The following AFAP1L2 variants were observed in gnomAD, a reference collection of about 807,000 sequenced individuals.
AFAP1L2 encodes the protein actin filament associated protein 1 like 2, also known as actin filament-associated protein 1-like 2.
Under a neutral mutation model 99.3 loss-of-function variants are expected in AFAP1L2, and 46 were observed. The ratio of observed to expected loss-of-function variants is 0.46; its 90% CI spans 0.37 to 0.59. The LOEUF (loss-of-function observed/expected upper bound fraction) is 0.59, where lower values mean the gene tolerates loss of function less well. Ranked by LOEUF, AFAP1L2 falls within the 20% of genes least tolerant of loss-of-function variation. AFAP1L2 has a pLI of 0.00. For missense variants in AFAP1L2, 959 were observed against 1,034.9 expected (o/e 0.93, Z 1.01); for synonymous variants, 397 against 419.1 (o/e 0.95, Z 0.64).
Position 114,327,169 on chromosome 10 carries a change from ATATAT to A in AFAP1L2, c.316-3913_316-3909del, listed in dbSNP as rs1162002542. 2.5e-3 allele frequency among the ~76,000 whole-genome samples: 187 copies of A among 75,546 alleles called. 11 individuals are homozygous for A. The highest frequency in any genetic ancestry group is 6.8e-3 in the African/African-American group (175 of 25,548). 49.6% of individuals were successfully genotyped at this position (75,546 alleles called of 152,430 possible). ...TATTTATATATATATATATATATAT[ATATAT>A]TTTTTTTTTAGGCAGAGTCTCACTG... On this transcript the variant is annotated intron_variant, in intron 4 of 18. Coordinates refer to ENST00000304129, the MANE Select transcript of AFAP1L2 (RefSeq NM_001001936.3).
At chr10:114,315,484 C>G in intron 6 of AFAP1L2, 76 bp downstream of exon 6, 3 of 1,504,736 alleles carry the variant, frequency 2.0e-6, no homozygotes, top group Non-Finnish European at 1.8e-6. Flanking sequence ...AGGGACCATC[C>G]TGTCCCTCCT....
At chr10:114,356,549 A>C (rs1194690122) in intron 1 of AFAP1L2, among the ~76,000 whole-genome samples, 1 of 152,248 alleles carries the variant, frequency 6.6e-6, no homozygotes, top group East Asian at 1.9e-4. Context: ...ATTTAAATTT[A>C]AGTGTCATTA....
At chr10:114,347,800 C>CT (rs1031709522) in intron 1 of AFAP1L2, among the ~76,000 whole-genome samples, 421 of 151,592 alleles carry the variant, frequency 2.8e-3, no homozygotes, top group Middle Eastern at 3.4e-3. Context: ...ACCCAGCCTT[C>CT]TTTTTTTTTG....
Position 114,314,037 on chromosome 10 carries a change from G to C in AFAP1L2, c.626C>G (p.Ser209Cys). ...GTCCAGCTGAGGGCTGTGGTCCTTG[G>C]AGGATTTGTAGCACTGGAAGGAAAG... ...KDNRLLCYKS[S>C]KDHSPQLDVN... Residue 209 changes from serine (S) to cysteine (C), a missense_variant, in exon 7 of 19, where the codon TCC (serine) becomes TGC (cysteine). This residue lies in a region of AFAP1L2 where 383 missense variants were observed against 472.8 expected (regional missense o/e 0.81). Coordinates refer to ENST00000304129, the MANE Select transcript of AFAP1L2 (RefSeq NM_001001936.3). The C allele has an allele frequency of 1.2e-6, 2 of 1,611,184 alleles. No individual in the cohort carries two copies. The highest frequency in any genetic ancestry group is 1.7e-6 in the Non-Finnish European group (2 of 1,177,680).
Position 114,330,802 on chromosome 10 carries a change from C to T in AFAP1L2, c.315+1001G>A, listed in dbSNP as rs185202931. ...CAGATACTGGACACAAAATAGTAAA[C>T]GAGAGACAAGGTCCTTGTCCTCAGG... On this transcript the variant is annotated intron_variant, in intron 4 of 18. Coordinates refer to ENST00000304129, the MANE Select transcript of AFAP1L2 (RefSeq NM_001001936.3). 4.5e-3 allele frequency among the ~76,000 whole-genome samples: 686 copies of T among 152,258 alleles called. 7 individuals carry two copies. Among genetic ancestry groups the T allele is most frequent in the Non-Finnish European group, 5.1e-3 (345 of 68,012 alleles).
intron 1 of AFAP1L2, among the ~76,000 whole-genome samples, chr10:114,366,777 A>C (rs965930763): frequency 1.3e-5 from 2 of 152,122 alleles, no homozygotes; most frequent in African/African-American, 4.8e-5. Context: ...ACCAGCCTGG[A>C]CAATATGGTG....
chr10:114,381,111 A>G (rs1053731333), intron 1 of AFAP1L2, among the ~76,000 whole-genome samples: 3 of 152,374 alleles, frequency 2.0e-5, no homozygotes, highest in African/African-American at 7.2e-5. Context: ...ATAATAGCTA[A>G]AAAGTGGAAA....
At chr10:114,369,195 G>T (rs371109077) in intron 1 of AFAP1L2, among the ~76,000 whole-genome samples, 2 of 152,068 alleles carry the variant, frequency 1.3e-5, no homozygotes, top group African/African-American at 4.8e-5. Flanking sequence ...AGTAACTCAC[G>T]CTTGTAATCC....
intron 1 of AFAP1L2, among the ~76,000 whole-genome samples, chr10:114,362,276 G>C (rs1469195559): frequency 6.6e-6 from 1 of 152,172 alleles, no homozygotes; most frequent in Non-Finnish European, 1.5e-5. Context: ...AAAAAGATAT[G>C]TCTAAGTCCT....
At chr10:114,388,659 T>C (rs560761910) in intron 1 of AFAP1L2, among the ~76,000 whole-genome samples, 1 of 152,296 alleles carries the variant, frequency 6.6e-6, no homozygotes, top group Non-Finnish European at 1.5e-5. Flanking sequence ...AAGTAAAGCT[T>C]AGAAAATGTC....
intron 1 of AFAP1L2, among the ~76,000 whole-genome samples, chr10:114,356,163 G>A (rs2051346773): frequency 6.6e-6 from 1 of 152,184 alleles, no homozygotes. Context: ...TTGAAATTCA[G>A]TGTATTTTGG....
At chr10:114,374,836 AGAGG>A in intron 1 of AFAP1L2, among the ~76,000 whole-genome samples, 1 of 53,168 alleles carries the variant, frequency 1.9e-5, no homozygotes, top group Non-Finnish European at 3.7e-5. Context: ...GGATGGGGGC[AGAGG>A]GAGGGAGGGG....
chr10:114,325,839 A>G (rs1478705654), intron 4 of AFAP1L2: 1 of 1,254,030 alleles, frequency 8.0e-7, no homozygotes, highest in African/African-American at 1.5e-5. Flanking sequence ...GTGGTCCACT[A>G]ACAACAGGCT....
chr10:114,357,464 C>T (rs980954396), intron 1 of AFAP1L2, among the ~76,000 whole-genome samples: 2 of 152,156 alleles, frequency 1.3e-5, no homozygotes, highest in African/African-American at 2.4e-5. Flanking sequence ...TCAGCCCCTC[C>T]CTGTCCCAAT....
chr10:114,282,541 C>G, the AFAP1L2 span: 2 of 1,614,062 alleles, frequency 1.2e-6, no homozygotes, highest in Non-Finnish European at 1.7e-6. Flanking sequence ...CCTAACCCAC[C>G]CTGCCACCTG....
rs1363274182 is a variant in AFAP1L2 at position 114,377,364 on chromosome 10, T to C, written c.16+27076A>G. ...GTGGCTTGAAGCATGATTTAGAAAC[T>C]AGATGACTTTGGGTCAAGTCTGATC... On this transcript the variant is annotated intron_variant, in intron 1 of 18. Transcript: ENST00000304129. This position sits in a 1 kb window ranked among gnomAD's most constrained non-coding sequence, Gnocchi z 4.0. Among the ~76,000 whole-genome samples the C allele has an allele frequency of 6.6e-6, 1 of 152,204 alleles. No homozygotes were observed. Among genetic ancestry groups the C allele is most frequent in the Non-Finnish European group, 1.5e-5 (1 of 68,038 alleles).
Position 114,301,470 on chromosome 10 carries a change from A to G in AFAP1L2, c.1431-5T>C. ...GAGAACTTTCTCTGCATCAGTCTGG[A>G]AACAGGGCGAGGTGGCACACATGAA... On this transcript the variant is annotated splice_region_variant and splice_polypyrimidine_tract_variant and intron_variant, in intron 12 of 18. Coordinates refer to ENST00000304129, the MANE Select transcript of AFAP1L2 (RefSeq NM_001001936.3). 1 of 1,605,196 alleles carries G rather than the reference A, an allele frequency of 6.2e-7. No homozygotes were observed. Among genetic ancestry groups the G allele is most frequent in the South Asian group, 1.1e-5 (1 of 90,916 alleles).
chr10:114,369,618 T>G (rs1377625041), intron 1 of AFAP1L2, among the ~76,000 whole-genome samples: 1 of 151,078 alleles, frequency 6.6e-6, no homozygotes, highest in Non-Finnish European at 1.5e-5. Context: ...AAAAAAAACT[T>G]TTTATTATGA....
chr10:114,286,174 T>C, the AFAP1L2 span: 50 of 1,614,080 alleles, frequency 3.1e-5, no homozygotes, highest in South Asian at 3.6e-4. Context: ...GGAGCCTCGA[T>C]GGCATTCCCT....
Sources: gnomAD v4.1 joint callset for allele counts (sites outside exome capture counted in the v4.1 genomes callset) on GRCh38, gnomAD v4.1.1 for gene constraint, gnomAD v4.1.1 regional missense constraint, Gnocchi (gnomAD v3.1) non-coding constraint, MANE v1.5 for transcripts, NCBI Gene and HGNC (gene_info 2026-07-23, HGNC 2026-07-21) for gene names.